KCNQ1: variants seen among roughly 807,000 people sequenced by gnomAD.
KCNQ1 encodes potassium voltage-gated channel subfamily KQT member 1.
Under a neutral mutation model 72.4 loss-of-function variants are expected in KCNQ1, and 49 were observed. That is an observed-to-expected ratio of 0.68 (90% CI 0.54 to 0.86). The LOEUF is 0.86. Among genes scored for constraint, KCNQ1 ranks in the 40% least tolerant of loss-of-function variants. The probability of loss-of-function intolerance (pLI) is 0.00; values close to 1 mark genes in which losing one functional copy is unlikely to be tolerated. For missense variants in KCNQ1, 790 were observed against 945.1 expected (o/e 0.84, Z 2.15); for synonymous variants, 450 against 412.6 (o/e 1.09, Z -1.10).
chr11:2,678,393 A>T lies in KCNQ1; in HGVS notation c.1514+16312A>T, dbSNP rs1331388009. Reference sequence around the variant, plus strand: ...TTAAATCCAATTTGGTTTCCCATATATTTGTCCAGTTGTCCAACACTATTT... The same window carrying T: ...TTAAATCCAATTTGGTTTCCCATATTTTTGTCCAGTTGTCCAACACTATTT... On this transcript the variant is annotated intron_variant, in intron 11 of 15. Coordinates refer to ENST00000155840, the MANE Select transcript of KCNQ1 (RefSeq NM_000218.3). The surrounding 1 kb of genome is among the most constrained non-coding windows in gnomAD (Gnocchi z 4.9). 1.0e-5 allele frequency: 4 copies of T among 398,470 alleles called. No individual in the cohort carries two copies. Among genetic ancestry groups the T allele is most frequent in the Non-Finnish European group, 1.8e-5 (4 of 226,062 alleles). 24.7% of individuals were successfully genotyped at this position (398,470 alleles called of 1,614,324 possible). A position where few individuals can be genotyped will look rare whatever the true frequency, so the allele number is the denominator to read the frequency against.
At chr11:2,688,178 C>A (rs1465390909) in intron 11 of KCNQ1, 4 of 398,656 alleles carry the variant, frequency 1.0e-5, no homozygotes, top group Non-Finnish European at 1.8e-5. Flanking sequence ...CAGACAGCTC[C>A]CAAGCAAGGG....
chr11:2,693,595 C>T, intron 11 of KCNQ1: 1 of 398,690 alleles, frequency 2.5e-6, no homozygotes, highest in East Asian at 3.6e-5. Context: ...AATGAGGCCA[C>T]ATTTAAATTG....
In KCNQ1 at chr11:2,735,582, C is replaced by T. The variant is rs1213349968; in HGVS notation, c.1515-33262C>T. 6.6e-6 allele frequency among the ~76,000 whole-genome samples: 1 copy of T among 152,166 alleles called. No individual in the cohort carries two copies. The highest frequency in any genetic ancestry group is 1.5e-5 in the Non-Finnish European group (1 of 68,036). Reference sequence around the variant, plus strand: ...CCTCCTCACCATTTTCTGTTGAGCACACTTGAGGAGCACTTGGAGGAGCTG... The same window carrying T: ...CCTCCTCACCATTTTCTGTTGAGCATACTTGAGGAGCACTTGGAGGAGCTG... On this transcript the variant is annotated intron_variant, in intron 11 of 15. Transcript: ENST00000155840. This position sits in a 1 kb window ranked among gnomAD's most constrained non-coding sequence, Gnocchi z 7.7.
rs181446842 is a variant in KCNQ1 at position 2,641,433 on chromosome 11, T to A, written c.1394-20528T>A. The A allele has an allele frequency of 8.7e-4, 347 of 398,464 alleles. No homozygotes were observed. Among genetic ancestry groups the A allele is most frequent in the Non-Finnish European group, 1.2e-3 (265 of 225,986 alleles). The allele number at this position is 398,464 out of a possible 1,614,324, so 24.7% of individuals were successfully genotyped here. On this transcript the variant is annotated intron_variant, in intron 10 of 15. Transcript: ENST00000155840. ...TATACCTGTTGGCTACTTGTATGTT[T>A]TCTTTTGAGAAATATCTATCCATGT...
intron 10 of KCNQ1, among the ~76,000 whole-genome samples, chr11:2,607,410 A>G (rs1025522678): frequency 2.0e-5 from 3 of 152,080 alleles, no homozygotes; most frequent in Non-Finnish European, 4.4e-5. Context: ...CCTAACCCCC[A>G]ATGTTGGTAT....
At chr11:2,736,134 A>G (rs80293078) in intron 11 of KCNQ1, among the ~76,000 whole-genome samples, 2,460 of 152,218 alleles carry the variant, frequency 0.016, 91 homozygotes, top group East Asian at 0.14. Flanking sequence ...ATTGGGCAGA[A>G]CCTACCTGGG....
intron 10 of KCNQ1, chr11:2,632,959 A>G (rs982467941): frequency 2.8e-5 from 11 of 398,328 alleles, no homozygotes; most frequent in Middle Eastern, 6.2e-4. Flanking sequence ...AAACTGTATG[A>G]TAGTCTACTT....
intron 8 of KCNQ1, among the ~76,000 whole-genome samples, chr11:2,585,986 C>T (rs966395533): frequency 6.6e-6 from 1 of 152,214 alleles, no homozygotes; most frequent in African/African-American, 2.4e-5. Flanking sequence ...AAGGACTTGG[C>T]ACAGGAGTCA....
chr11:2,687,707 G>T lies in KCNQ1; in HGVS notation c.1514+25626G>T. The T allele has an allele frequency of 2.5e-6, 1 of 398,736 alleles. No individual in the cohort carries two copies. Among genetic ancestry groups the T allele is most frequent in the Non-Finnish European group, 4.4e-6 (1 of 226,164 alleles). 24.7% of individuals were successfully genotyped at this position (398,736 alleles called of 1,614,324 possible). On this transcript the variant is annotated intron_variant, in intron 11 of 15. Coordinates refer to ENST00000155840, the MANE Select transcript of KCNQ1 (RefSeq NM_000218.3). The surrounding 1 kb of genome is among the most constrained non-coding windows in gnomAD (Gnocchi z 5.0). ...AGGGTTCAGTGTTGGAATGGGTCTG[G>T]GCCCAGATTTCAAGCCAGTAACCAG... is the stretch of plus-strand genomic sequence containing the variant.
intron 11 of KCNQ1, among the ~76,000 whole-genome samples, chr11:2,732,329 C>T (rs533963587): frequency 1.3e-4 from 20 of 152,348 alleles, no homozygotes; most frequent in Middle Eastern, 3.4e-3. Flanking sequence ...CCCGTGGGCA[C>T]TGCGAAGACC....
chr11:2,713,869 C>T lies in KCNQ1; in HGVS notation c.1514+51788C>T, dbSNP rs993654216. 6.6e-6 allele frequency among the ~76,000 whole-genome samples: 1 copy of T among 152,266 alleles called. No individual in the cohort carries two copies. Among genetic ancestry groups the T allele is most frequent in the African/African-American group, 2.4e-5 (1 of 41,468 alleles). The stretch of plus-strand genomic sequence containing the variant: ...AATATTGCTTCCAGATGGGCAAACG[C>T]GCGCTCGGAGCCTGGCCCTGCAGAC... On this transcript the variant is annotated intron_variant, in intron 11 of 15. Coordinates refer to ENST00000155840, the MANE Select transcript of KCNQ1 (RefSeq NM_000218.3). This position sits in a 1 kb window ranked among gnomAD's most constrained non-coding sequence, Gnocchi z 5.6.
chr11:2,475,117 G>T lies in KCNQ1; in HGVS notation c.386+29633G>T, dbSNP rs545394716. The stretch of plus-strand genomic sequence containing the variant: ...TAATTCCTGAACATTTCCATCATCC[G>T]CAAGAGGAAATTAGCAGTCACCCCT... On this transcript the variant is annotated intron_variant, in intron 1 of 15. Transcript: ENST00000155840. This position sits in a 1 kb window ranked among gnomAD's most constrained non-coding sequence, Gnocchi z 5.8. Among the ~76,000 whole-genome samples, 1 of 152,072 alleles carries T rather than the reference G, an allele frequency of 6.6e-6. No individual in the cohort carries two copies. Among genetic ancestry groups the T allele is most frequent in the Admixed American group, 6.6e-5 (1 of 15,260 alleles).
Position 2,543,704 on chromosome 11 carries a change from T to A in KCNQ1, c.477+15686T>A, listed in dbSNP as rs1232620874. On this transcript the variant is annotated intron_variant, in intron 2 of 15. Transcript: ENST00000155840. This position sits in a 1 kb window ranked among gnomAD's most constrained non-coding sequence, Gnocchi z 5.6. ...TTACCAAACACACTCTTACTAAGAT[T>A]TTCTGCTAGTAGTTTTATAATTTTT... is the stretch of plus-strand genomic sequence containing the variant. Among the ~76,000 whole-genome samples the A allele has an allele frequency of 3.3e-5, 5 of 152,248 alleles. No individual in the cohort carries two copies. Among genetic ancestry groups the A allele is most frequent in the Non-Finnish European group, 7.3e-5 (5 of 68,046 alleles).
rs1355812071 is a variant in KCNQ1 at position 2,479,968 on chromosome 11, A to C, written c.386+34484A>C. Among the ~76,000 whole-genome samples, 1 of 152,240 alleles carries C rather than the reference A, an allele frequency of 6.6e-6. No homozygotes were observed. Among genetic ancestry groups the C allele is most frequent in the African/African-American group, 2.4e-5 (1 of 41,452 alleles). On this transcript the variant is annotated intron_variant, in intron 1 of 15. Coordinates refer to ENST00000155840, the MANE Select transcript of KCNQ1 (RefSeq NM_000218.3). The surrounding 1 kb of genome is among the most constrained non-coding windows in gnomAD (Gnocchi z 4.6). ...TCAAAGTTCCACAAATCTCTAGGGC[A>C]GTGGTAAAATACTGCCAGTCTCTTT...
chr11:2,537,303 A>G lies in KCNQ1; in HGVS notation c.477+9285A>G, dbSNP rs575268138. Reference sequence around the variant, plus strand: ...CTGCCATGGAGACCATGCAGCCCACAGGGCCTAAGATTTCTACTACCTGAC... The same window carrying G: ...CTGCCATGGAGACCATGCAGCCCACGGGGCCTAAGATTTCTACTACCTGAC... On this transcript the variant is annotated intron_variant, in intron 2 of 15. Coordinates refer to ENST00000155840, the MANE Select transcript of KCNQ1 (RefSeq NM_000218.3). This position sits in a 1 kb window ranked among gnomAD's most constrained non-coding sequence, Gnocchi z 5.2. Among the ~76,000 whole-genome samples, 19 of 152,202 alleles carry G rather than the reference A, an allele frequency of 1.2e-4. No individual in the cohort carries two copies. In the South Asian group the frequency reaches 3.1e-3, roughly 25 times the overall value.
At chr11:2,753,620 T>C (rs1309036185) in intron 11 of KCNQ1, among the ~76,000 whole-genome samples, 1 of 152,230 alleles carries the variant, frequency 6.6e-6, no homozygotes, top group Non-Finnish European at 1.5e-5. Flanking sequence ...TTCAGAGTCA[T>C]GCAACTTCAC....
intron 1 of KCNQ1, among the ~76,000 whole-genome samples, chr11:2,489,765 C>A (rs2133624649): frequency 6.6e-6 from 1 of 152,292 alleles, no homozygotes; most frequent in African/African-American, 2.4e-5. Context: ...TCCAGACACA[C>A]CCTGGGCCAG....
chr11:2,501,662 C>T (rs952347124), intron 1 of KCNQ1, among the ~76,000 whole-genome samples: 1 of 134,610 alleles, frequency 7.4e-6, no homozygotes, highest in East Asian at 2.3e-4. Flanking sequence ...GGAATACCTC[C>T]AAACTCATCT....
chr11:2,597,681 G>A (rs981483655), intron 10 of KCNQ1, among the ~76,000 whole-genome samples: 3 of 152,216 alleles, frequency 2.0e-5, no homozygotes, highest in Admixed American at 1.3e-4. Context: ...TATCTTTTCT[G>A]TAGAGGTTAA....
Sources: allele counts gnomAD v4.1 joint callset (sites outside exome capture counted in the v4.1 genomes callset), GRCh38; gene constraint gnomAD v4.1.1; non-coding constraint Gnocchi (gnomAD v3.1); transcripts MANE v1.5; gene names NCBI Gene and HGNC (gene_info 2026-07-23, HGNC 2026-07-21).